PYGB: variants seen among roughly 807,000 people sequenced by gnomAD.
PYGB encodes glycogen phosphorylase B.
In PYGB, 82 loss-of-function variants were observed where a neutral mutation model predicts 94.3. That is an observed-to-expected ratio of 0.87 (90% confidence interval 0.73 to 1.04). The LOEUF (loss-of-function observed/expected upper bound fraction) is 1.04, where lower values mean the gene tolerates loss of function less well. Among genes scored for constraint, PYGB ranks in the 50% least tolerant of loss-of-function variants. The pLI is 0.00. For synonymous variants in PYGB, 488 were observed against 479.1 expected (o/e 1.02, Z -0.24); for missense variants, 1,132 against 1,158.2 (o/e 0.98, Z 0.33).
At chr20:25,268,359 A>G (rs1463865735) in intron 2 of PYGB, among the ~76,000 whole-genome samples, 1 of 151,448 alleles carries the variant, frequency 6.6e-6, no homozygotes, top group African/African-American at 2.4e-5. Context: ...CACTCTTCTC[A>G]ATGGATATTT....
chr20:25,277,401 G>C (rs1482463023), intron 7 of PYGB, 75 bp downstream of exon 7: 10 of 1,414,498 alleles, frequency 7.1e-6, no homozygotes, highest in Middle Eastern at 1.8e-4. Flanking sequence ...GGCTGGCCGG[G>C]CTCCCCAGTG....
At chr20:25,280,917 C>T (rs770565756) in intron 10 of PYGB, 32 bp from the exon 11 acceptor site, 1 of 1,608,886 alleles carries the variant, frequency 6.2e-7, no homozygotes, top group East Asian at 2.2e-5. Flanking sequence ...GCCTCCTGTG[C>T]CCACCCACCT....
chr20:25,287,751 G>A (rs1214245868), intron 14 of PYGB, among the ~76,000 whole-genome samples: 3 of 152,042 alleles, frequency 2.0e-5, no homozygotes, highest in Non-Finnish European at 2.9e-5. Flanking sequence ...AGGCTGAGGC[G>A]GAAGGGTTGC....
chr20:25,288,808 C>T (rs1052105036), intron 15 of PYGB, among the ~76,000 whole-genome samples: 1 of 152,220 alleles, frequency 6.6e-6, no homozygotes, highest in African/African-American at 2.4e-5. Flanking sequence ...TGCTTCATCA[C>T]CTGCACATGC....
chr20:25,274,195 T>C (rs2088290571), intron 4 of PYGB, among the ~76,000 whole-genome samples: 1 of 151,966 alleles, frequency 6.6e-6, no homozygotes, highest in Non-Finnish European at 1.5e-5. Context: ...CCTGACAGCC[T>C]CTCACCCGCT....
chr20:25,249,866 T>TA (rs1555804618), intron 1 of PYGB, among the ~76,000 whole-genome samples: 114 of 151,714 alleles, frequency 7.5e-4, no homozygotes, highest in Middle Eastern at 3.4e-3. Flanking sequence ...TTTTTTTTTT[T>TA]AATTCTGAGT....
chr20:25,273,779 C>T (rs1163664895), intron 4 of PYGB, among the ~76,000 whole-genome samples: 1 of 152,252 alleles, frequency 6.6e-6, no homozygotes, highest in Non-Finnish European at 1.5e-5. Context: ...GGCGTCCTCA[C>T]TGCCAGCTGC....
chr20:25,263,559 G>A (rs1450733920), intron 2 of PYGB, among the ~76,000 whole-genome samples: 2 of 152,128 alleles, frequency 1.3e-5, no homozygotes, highest in African/African-American at 4.8e-5. Flanking sequence ...GGAAAAGAGA[G>A]AAGAATCAAA....
chr20:25,285,473 C>G (rs548807147), intron 14 of PYGB: 1 of 152,154 alleles, frequency 6.6e-6, no homozygotes, highest in South Asian at 2.1e-4. Context: ...TCCGCCACCC[C>G]CAGTCGTCAG....
chr20:25,294,981 G>C (rs2500429), intron 18 of PYGB: 1 of 1,614,046 alleles, frequency 6.2e-7, no homozygotes, highest in African/African-American at 1.3e-5. Flanking sequence ...AGTCACACCA[G>C]CTCTGACCAC....
chr20:25,271,668 G>A (rs1347231178), intron 4 of PYGB, among the ~76,000 whole-genome samples, 182 bp downstream of exon 4: 1 of 152,182 alleles, frequency 6.6e-6, no homozygotes, highest in Non-Finnish European at 1.5e-5. Flanking sequence ...ACATGGCCTG[G>A]GAGAGCCTGG....
chr20:25,263,830 A>G (rs1178264307), intron 2 of PYGB, among the ~76,000 whole-genome samples: 3 of 152,236 alleles, frequency 2.0e-5, no homozygotes, highest in African/African-American at 4.8e-5. Flanking sequence ...AGAGGGATTC[A>G]CAGCTGAATT....
chr20:25,288,643 TAG>T (rs2088439680), intron 15 of PYGB, 160 bp downstream of exon 15: 1 of 808,020 alleles, frequency 1.2e-6, no homozygotes. Flanking sequence ...GGGGACCCTG[TAG>T]AGAGTCAGAA....
rs368052636 is a variant in PYGB at position 25,294,149 on chromosome 20, G to C, written c.2178-9G>C. 2 of 1,612,970 alleles carry C rather than the reference G, an allele frequency of 1.2e-6. No homozygotes were observed. Among genetic ancestry groups the C allele is most frequent in the Admixed American group, 3.3e-5 (2 of 59,992 alleles). ...GCTGGCTGCTGACTCCTGGCCCATC[G>C]CCTCACAGGTACAATGCCAGGGAGT... On this transcript the variant is annotated splice_polypyrimidine_tract_variant and intron_variant, in intron 17 of 19. Transcript: ENST00000216962.
chr20:25,278,782 C>T (rs376242017), intron 8 of PYGB, among the ~76,000 whole-genome samples: 5 of 152,214 alleles, frequency 3.3e-5, no homozygotes, highest in Admixed American at 6.5e-5. Flanking sequence ...CCGGTGGCCA[C>T]GGCTCCTCCC....
chr20:25,295,811 G>T, intron 19 of PYGB, 141 bp downstream of exon 19: 1 of 929,328 alleles, frequency 1.1e-6, no homozygotes, highest in Non-Finnish European at 1.7e-6. Context: ...GTCATCAGTC[G>T]GCTGTGCCTG....
chr20:25,273,765 C>G (rs972918972), intron 4 of PYGB, among the ~76,000 whole-genome samples: 1 of 149,808 alleles, frequency 6.7e-6, no homozygotes, highest in African/African-American at 2.6e-5. Context: ...CTGGGTGCAT[C>G]CAGGGCGTCC....
intron 13 of PYGB, among the ~76,000 whole-genome samples, chr20:25,283,566 G>A (rs2088388895): frequency 6.6e-6 from 1 of 152,240 alleles, no homozygotes; most frequent in Admixed American, 6.5e-5. Context: ...CCACAGGTCA[G>A]TTCTGTATGG....
At chr20:25,259,453 G>A (rs60043588) in intron 2 of PYGB, 115 bp downstream of exon 2, 32,421 of 794,016 alleles carry the variant, frequency 0.041, 787 homozygotes, top group East Asian at 0.072. Context: ...TCTGGGAATC[G>A]GGAGATTTAC....
Sources: allele counts gnomAD v4.1 joint callset (sites outside exome capture counted in the v4.1 genomes callset), GRCh38; gene constraint gnomAD v4.1.1; transcripts MANE v1.5; gene names NCBI Gene and HGNC (gene_info 2026-07-23, HGNC 2026-07-21).